The following ZBTB7C variants were observed in gnomAD, a reference collection of about 807,000 sequenced individuals.
ZBTB7C encodes zinc finger and BTB domain containing 7C.
A neutral mutation model predicts 25.7 loss-of-function variants in ZBTB7C; 8 were observed. The observed-to-expected ratio is 0.31, with a 90% CI of 0.18 to 0.56. The LOEUF is 0.56. Ranked by LOEUF, ZBTB7C falls within the 20% of genes least tolerant of loss-of-function variation. The pLI, the probability that ZBTB7C is intolerant of heterozygous loss-of-function variation, is 0.91. For synonymous variants in ZBTB7C, 394 were observed against 369.0 expected (o/e 1.07, Z -0.78); for missense variants, 824 against 855.2 (o/e 0.96, Z 0.46).
At chr18:48,081,742 G>A (rs1194108014) in intron 3 of ZBTB7C, among the ~76,000 whole-genome samples, 1 of 152,102 alleles carries the variant, frequency 6.6e-6, no homozygotes, top group Admixed American at 6.5e-5. Context: ...ATGTGCAGAA[G>A]ACTCTGCTTG....
At chr18:48,047,289 G>A (rs1469235705) in intron 3 of ZBTB7C, among the ~76,000 whole-genome samples, 1 of 152,020 alleles carries the variant, frequency 6.6e-6, no homozygotes, top group African/African-American at 2.4e-5. Flanking sequence ...CATCTTCTAA[G>A]CTAAGGCAGT....
Position 48,094,891 on chromosome 18 carries a change from G to A in ZBTB7C, c.-16-53768C>T, listed in dbSNP as rs867147759. Among the ~76,000 whole-genome samples, 14 of 152,300 alleles carry A rather than the reference G, an allele frequency of 9.2e-5. No individual in the cohort carries two copies. In the Middle Eastern group the frequency reaches 0.01, roughly 111 times the overall value. ...GGTTCTACCTGGATGCAGCTCTGGGGAAACAGCAGTCAAGGTGATAAAAGG... is the reference window on the plus strand; with the variant it reads ...GGTTCTACCTGGATGCAGCTCTGGGAAAACAGCAGTCAAGGTGATAAAAGG... On this transcript the variant is annotated intron_variant, in intron 3 of 4. Transcript: ENST00000590800.
At chr18:48,044,636 G>A (rs2036395804) in intron 3 of ZBTB7C, among the ~76,000 whole-genome samples, 1 of 152,236 alleles carries the variant, frequency 6.6e-6, no homozygotes, top group Admixed American at 6.5e-5. Flanking sequence ...TCTGTGCAGT[G>A]GGCAAGGGGG....
At chr18:48,333,073 A>G (rs1421137222) in intron 2 of ZBTB7C, among the ~76,000 whole-genome samples, 1 of 152,130 alleles carries the variant, frequency 6.6e-6, no homozygotes, top group African/African-American at 2.4e-5. Flanking sequence ...TTTTAAGCTA[A>G]TAAGAACCCC....
chr18:48,265,068 T>C (rs1366800004), intron 2 of ZBTB7C, among the ~76,000 whole-genome samples: 1 of 152,144 alleles, frequency 6.6e-6, no homozygotes, highest in Non-Finnish European at 1.5e-5. Flanking sequence ...AGGTCTCTAA[T>C]AGAACTGAAA....
At chr18:48,333,026 C>CT (rs200527593) in intron 2 of ZBTB7C, among the ~76,000 whole-genome samples, 2 of 151,456 alleles carry the variant, frequency 1.3e-5, no homozygotes, top group Admixed American at 6.6e-5. Flanking sequence ...GTGGTTTTCA[C>CT]TTTTTTTTTC....
chr18:48,140,421 GAA>G (rs748471512), intron 3 of ZBTB7C, among the ~76,000 whole-genome samples: 12 of 152,326 alleles, frequency 7.9e-5, no homozygotes, highest in Non-Finnish European at 1.2e-4. Flanking sequence ...GGAGCTCAGA[GAA>G]GTTTTACAAC....
intron 3 of ZBTB7C, among the ~76,000 whole-genome samples, chr18:48,178,344 G>A (rs778435427): frequency 2.6e-5 from 4 of 152,170 alleles, no homozygotes; most frequent in Non-Finnish European, 4.4e-5. Context: ...GATCTGCTGC[G>A]AAGCCATTCG....
Position 48,204,696 on chromosome 18 carries a change from A to G in ZBTB7C, c.-78-18701T>C, listed in dbSNP as rs2042537567. Reference sequence around the variant, plus strand: ...CTAGGACCTTGGCAAATATTTGACAAATGGTTGTGTTATGTGTTCCATGGC... The same window carrying G: ...CTAGGACCTTGGCAAATATTTGACAGATGGTTGTGTTATGTGTTCCATGGC... On this transcript the variant is annotated intron_variant, in intron 2 of 4. Transcript: ENST00000590800. 2.0e-5 allele frequency among the ~76,000 whole-genome samples: 3 copies of G among 152,070 alleles called. No individual in the cohort carries two copies. The South Asian group carries it at 6.2e-4, about 32-fold the overall frequency.
chr18:48,377,889 G>C (rs916227915), intron 1 of ZBTB7C, among the ~76,000 whole-genome samples: 1 of 152,148 alleles, frequency 6.6e-6, no homozygotes, highest in Non-Finnish European at 1.5e-5. Flanking sequence ...AAGAAAGGTC[G>C]GGCCAGGCAC....
rs910326275 is a variant in ZBTB7C, at chr18:48,027,420, G to T, written c.*1840C>A. On this transcript the variant is annotated 3_prime_UTR_variant, in exon 5 of 5. Coordinates refer to ENST00000590800, the MANE Select transcript of ZBTB7C (RefSeq NM_001318841.2). ...GTTCAGCCCCAATCACTTGGCTGAT[G>T]GGGGGGAACACGGGGGCACGTTGGC... 4.0e-5 allele frequency: 6 copies of T among 151,410 alleles called. No homozygotes were observed. In the East Asian group the frequency reaches 5.8e-4, roughly 15 times the overall value. 9.4% of individuals were successfully genotyped at this position (151,410 alleles called of 1,614,324 possible).
At chr18:48,149,740 A>C (rs1475488988) in intron 3 of ZBTB7C, 1 of 152,170 alleles carries the variant, frequency 6.6e-6, no homozygotes, top group Admixed American at 6.5e-5. Flanking sequence ...ATAGGAAAAT[A>C]ATCATAATGG....
chr18:48,328,099 A>G (rs1041834438), intron 2 of ZBTB7C, among the ~76,000 whole-genome samples: 9 of 150,214 alleles, frequency 6.0e-5, no homozygotes, highest in South Asian at 2.1e-4. Context: ...GGAGAATGGC[A>G]TGAACCCGGG....
chr18:48,205,997 G>T (rs2042568317), intron 2 of ZBTB7C, among the ~76,000 whole-genome samples: 1 of 152,138 alleles, frequency 6.6e-6, no homozygotes, highest in African/African-American at 2.4e-5. Context: ...AATTGCCAGT[G>T]GGCCCAAAGG....
At chr18:48,386,277 G>A (rs1049460863) in intron 1 of ZBTB7C, among the ~76,000 whole-genome samples, 9 of 152,168 alleles carry the variant, frequency 5.9e-5, no homozygotes, top group African/African-American at 1.9e-4. Context: ...AATCTTCCAC[G>A]CTAGATGCTG....
intron 3 of ZBTB7C, among the ~76,000 whole-genome samples, chr18:48,116,786 C>G (rs1049516846): frequency 6.6e-6 from 1 of 152,072 alleles, no homozygotes; most frequent in Non-Finnish European, 1.5e-5. Context: ...TCTAGGAGGC[C>G]CTTCCTGGTT....
intron 1 of ZBTB7C, among the ~76,000 whole-genome samples, chr18:48,359,000 A>G (rs1204945314): frequency 6.6e-6 from 1 of 152,096 alleles, no homozygotes; most frequent in Non-Finnish European, 1.5e-5. Context: ...CCCTGTCTCC[A>G]ATGCTTCCTG....
intron 2 of ZBTB7C, among the ~76,000 whole-genome samples, chr18:48,235,804 C>T (rs146803745): frequency 1.3e-5 from 2 of 152,242 alleles, no homozygotes; most frequent in East Asian, 3.9e-4. Context: ...GCTGTTTTTC[C>T]AGTTTTGTTG....
chr18:48,216,607 C>G (rs1026139634), intron 2 of ZBTB7C, among the ~76,000 whole-genome samples: 2 of 152,106 alleles, frequency 1.3e-5, no homozygotes, highest in African/African-American at 4.8e-5. Flanking sequence ...GCCAATTTTC[C>G]AAGGCAAGTA....
Sources: gnomAD v4.1 joint callset for allele counts (sites outside exome capture counted in the v4.1 genomes callset) on GRCh38, gnomAD v4.1.1 for gene constraint, MANE v1.5 for transcripts, NCBI Gene and HGNC (gene_info 2026-07-23, HGNC 2026-07-21) for gene names.